CAPN11: variants seen among roughly 807,000 people sequenced by gnomAD.
The protein encoded by CAPN11 is calpain-11.
In CAPN11, 108 loss-of-function variants were observed where a neutral mutation model predicts 105.3. The observed-to-expected ratio is 1.03, with a 90% CI of 0.88 to 1.20. The LOEUF (loss-of-function observed/expected upper bound fraction) is 1.20, where lower values mean the gene tolerates loss of function less well. CAPN11 is among the 50% of genes most tolerant of loss of function. The pLI is 0.00. For missense variants in CAPN11, 883 were observed against 924.8 expected (o/e 0.95, Z 0.59); for synonymous variants, 329 against 344.5 (o/e 0.96, Z 0.50).
In CAPN11 at chr6:44,183,022, G is replaced by A; in HGVS notation, c.2017+3G>A. On this transcript the variant is annotated splice_donor_region_variant and intron_variant, in intron 20 of 22. Coordinates refer to ENST00000398776, the MANE Select transcript of CAPN11 (RefSeq NM_007058.4). ...GCGCCTGGTTATTGAGAAAGCAGGT[G>A]GCCAAGGGTCAGGAGTGGGCCTTGG... The A allele has an allele frequency of 6.2e-7, 1 of 1,612,018 alleles. No homozygotes were observed. The highest frequency in any genetic ancestry group is 8.5e-7 in the Non-Finnish European group (1 of 1,178,490).
In CAPN11 at chr6:44,184,163, G is replaced by A. The variant is rs1310718383; in HGVS notation, c.*231G>A. 1 of 581,960 alleles carries A rather than the reference G, an allele frequency of 1.7e-6. No individual in the cohort carries two copies. Among genetic ancestry groups the A allele is most frequent in the Non-Finnish European group, 3.1e-6 (1 of 326,592 alleles). The allele number at this position is 581,960 out of a possible 1,614,324, so 36.0% of individuals were successfully genotyped here. On this transcript the variant is annotated 3_prime_UTR_variant, in exon 23 of 23. Transcript: ENST00000398776. ...TTTTTTCCCCAACCCGGCTTCTGAT[G>A]GCTGGCTTTCCCCCACCATCGCTCT...
Position 44,180,042 on chromosome 6 carries a change from GA to G in CAPN11, c.1520del (p.Glu507GlyfsTer2), listed in dbSNP as rs1327604945. On this transcript the variant is annotated frameshift_variant, in exon 14 of 23. Transcript: ENST00000398776. LOFTEE classifies it high-confidence loss of function. Reference protein sequence around the residue: ...GFSEIFTNSREVSSQLRLPPG... With the variant: ...GFSEIFTNSRXVSSQLRLPPG... ...CTCAGAGATCTTCACCAACTCACGG[GA>G]GGTGAGCAGCCAACTCCGGCTGCCT... 1.9e-6 allele frequency: 3 copies of G among 1,612,844 alleles called. No individual in the cohort carries two copies. The South Asian group carries it at 3.3e-5, about 18-fold the overall frequency.
chr6:44,163,458 C>G (rs1008842456), intron 1 of CAPN11, among the ~76,000 whole-genome samples: 1 of 152,202 alleles, frequency 6.6e-6, no homozygotes, highest in Non-Finnish European at 1.5e-5. Context: ...CTCACCATGG[C>G]GACCTCCCAG....
rs777603717 is a variant in CAPN11 at position 44,169,424 on chromosome 6, G to A, written c.232G>A (p.Glu78Lys). 1.2e-6 allele frequency: 2 copies of A among 1,613,566 alleles called. No homozygotes were observed. The highest frequency in any genetic ancestry group is 8.5e-7 in the Non-Finnish European group (1 of 1,179,740). Residue 78 changes from glutamate (E) to lysine (K), a missense_variant, in exon 3 of 23, where the codon GAG (glutamate) becomes AAG (lysine). By Grantham distance (56) the Glu-to-Lys change is moderately conservative. Coordinates refer to ENST00000398776, the MANE Select transcript of CAPN11 (RefSeq NM_007058.4). ...GCGAGCAGCCTGTCTAAGAAAGGGG[G>A]AGCTCTTCGAGGACCCCTTATTCCC... ...ELRAACLRKG[E>K]LFEDPLFPAE...
At chr6:44,173,933 G>T (rs912316751) in intron 7 of CAPN11, among the ~76,000 whole-genome samples, 2 of 152,090 alleles carry the variant, frequency 1.3e-5, no homozygotes, top group Non-Finnish European at 2.9e-5. Context: ...AACATTTATT[G>T]TGACCTGAAA....
Position 44,180,970 on chromosome 6 carries a change from T to G in CAPN11, c.1842T>G (p.Ala614=), listed in dbSNP as rs765984580. Residue 614 remains alanine, a synonymous_variant, in exon 18 of 23, where the codon GCT becomes GCG. Coordinates refer to ENST00000398776, the MANE Select transcript of CAPN11 (RefSeq NM_007058.4). ...AGACCAAGGGCTTTGGCCTGGATGC[T>G]TGCCGCTGCATGATCAACCTCATGG... ...SFKTKGFGLD[A]CRCMINLMDK... 3.1e-6 allele frequency: 5 copies of G among 1,613,662 alleles called. No homozygotes were observed. The East Asian group carries it at 1.1e-4, about 36-fold the overall frequency.
intron 12 of CAPN11, among the ~76,000 whole-genome samples, chr6:44,179,172 CTT>C (rs1296121607): frequency 2.0e-5 from 3 of 152,154 alleles, no homozygotes; most frequent in Admixed American, 6.6e-5. Flanking sequence ...TATCCTAACT[CTT>C]TCACTTTTCA....
Position 44,172,359 on chromosome 6 carries a change from A to T in CAPN11, c.467A>T (p.Tyr156Phe), listed in dbSNP as rs1771162528. The change falls in exon 5 of 23, where the codon TAC becomes TTC. Residue 156 changes from tyrosine (Y) to phenylalanine (F), a missense_variant. Transcript: ENST00000398776. Reference sequence around the variant, plus strand: ...CTTACCACCTGCCCCAAACTGCTATACCGCGTGGTGCCCAGAGGACAGAGC... The same window carrying T: ...CTTACCACCTGCCCCAAACTGCTATTCCGCGTGGTGCCCAGAGGACAGAGC... ...GSLTTCPKLL[Y>F]RVVPRGQSFK... 1 of 1,561,996 alleles carries T rather than the reference A, an allele frequency of 6.4e-7. No individual in the cohort carries two copies. Among genetic ancestry groups the T allele is most frequent in the Non-Finnish European group, 8.7e-7 (1 of 1,153,468 alleles).
At position 44,184,252 on chromosome 6, in the gene CAPN11, C is replaced by T. The variant is rs1774216998; in HGVS notation, c.*320C>T. 1.1e-5 allele frequency: 5 copies of T among 444,844 alleles called. No individual in the cohort carries two copies. 27.6% of individuals were successfully genotyped at this position (444,844 alleles called of 1,614,324 possible). Reference sequence around the variant, plus strand: ...CCAGGGTCCCCCTGGCTGGGGAGGCCAAGAATAGGGAAGGGACTTGTAGCC... The same window carrying T: ...CCAGGGTCCCCCTGGCTGGGGAGGCTAAGAATAGGGAAGGGACTTGTAGCC... On this transcript the variant is annotated 3_prime_UTR_variant, in exon 23 of 23. Transcript: ENST00000398776.
chr6:44,162,114 G>A (rs1768947744), intron 1 of CAPN11, among the ~76,000 whole-genome samples: 1 of 151,808 alleles, frequency 6.6e-6, no homozygotes, highest in Admixed American at 6.6e-5. Context: ...TTCCCTGGGG[G>A]CCGTAATCAC....
intron 5 of CAPN11, 68 bp from the exon 6 acceptor site, chr6:44,172,872 G>T: frequency 6.4e-7 from 1 of 1,550,700 alleles, no homozygotes; most frequent in Non-Finnish European, 8.8e-7. Flanking sequence ...CGTGTCATCA[G>T]GTCTGGCCAC....
intron 3 of CAPN11, 77 bp from the exon 4 acceptor site, chr6:44,169,829 C>T: frequency 1.7e-6 from 2 of 1,177,150 alleles, no homozygotes; most frequent in Non-Finnish European, 2.5e-6. Flanking sequence ...AGGTGGGCAT[C>T]ATTCCCCAGC....
intron 7 of CAPN11, among the ~76,000 whole-genome samples, chr6:44,174,654 CTG>C (rs1771654054): frequency 8.2e-6 from 1 of 122,162 alleles, no homozygotes; most frequent in Non-Finnish European, 1.6e-5. Context: ...GAGTCTCACT[CTG>C]TCACCCAGGC....
rs1771916882 is a variant in CAPN11 at position 44,175,914 on chromosome 6, G to A, written c.832-154G>A. Among the ~76,000 whole-genome samples the A allele has an allele frequency of 2.0e-5, 3 of 152,304 alleles. No individual in the cohort carries two copies. In the South Asian group the frequency reaches 6.2e-4, roughly 32 times the overall value. On this transcript the variant is annotated intron_variant, in intron 7 of 22. Transcript: ENST00000398776. ...TCTGTATTATTTGTTACAATTGCAT[G>A]TGAATCTGCAATTATTTCAAAATAA... is the stretch of plus-strand genomic sequence containing the variant.
At chr6:44,176,471 A>T in intron 9 of CAPN11, 110 bp from the exon 10 acceptor site, 1 of 1,303,038 alleles carries the variant, frequency 7.7e-7, no homozygotes, top group Non-Finnish European at 1.1e-6. Flanking sequence ...TTCTCCATCT[A>T]GCTCCGCACC....
At chr6:44,169,142 C>A in intron 2 of CAPN11, 139 bp from the exon 3 acceptor site, 1 of 970,124 alleles carries the variant, frequency 1.0e-6, no homozygotes, top group Non-Finnish European at 1.6e-6. Flanking sequence ...CCATGTTGCC[C>A]AGGCTGGTCT....
At position 44,166,845 on chromosome 6, in the gene CAPN11, C is replaced by A. The variant is rs989259470; in HGVS notation, c.88+16C>A. 6.6e-7 allele frequency: 1 copy of A among 1,523,280 alleles called. No individual in the cohort carries two copies. The highest frequency in any genetic ancestry group is 2.0e-5 in the Admixed American group (1 of 50,574). 94.4% of individuals were successfully genotyped at this position (1,523,280 alleles called of 1,614,324 possible). ...TCATGTGCGGGTAGGACTGCAGACCCGTCGTGGCTCTGTGGCCTCCCTTTT... is the reference window on the plus strand; with the variant it reads ...TCATGTGCGGGTAGGACTGCAGACCAGTCGTGGCTCTGTGGCCTCCCTTTT... On this transcript the variant is annotated intron_variant, in intron 2 of 22. Transcript: ENST00000398776.
rs1340330205 is a variant in CAPN11, at chr6:44,183,592, T to G, written c.2135-113T>G. ...TCCCCACTTGGCTAGGGGATTTATG[T>G]GGGGAACAGCCAGGAACACCTGGTG... On this transcript the variant is annotated intron_variant, in intron 21 of 22. Transcript: ENST00000398776. 4 of 971,888 alleles carry G rather than the reference T, an allele frequency of 4.1e-6. No homozygotes were observed. The African/African-American group carries it at 6.5e-5, about 16-fold the overall frequency. The allele number at this position is 971,888 out of a possible 1,614,324, so 60.2% of individuals were successfully genotyped here. A position where few individuals can be genotyped will look rare whatever the true frequency, so the allele number is the denominator to read the frequency against.
intron 1 of CAPN11, among the ~76,000 whole-genome samples, chr6:44,163,169 C>A (rs961384002): frequency 1.3e-5 from 2 of 152,224 alleles, no homozygotes; most frequent in Admixed American, 1.3e-4. Context: ...AGCCTCTATA[C>A]ACAGGTGAGG....
Sources: allele counts gnomAD v4.1 joint callset (sites outside exome capture counted in the v4.1 genomes callset), GRCh38; gene constraint gnomAD v4.1.1; transcripts MANE v1.5; gene names NCBI Gene and HGNC (gene_info 2026-07-23, HGNC 2026-07-21).